Variants in CPTP observed in about 807,000 individuals in gnomAD.
The protein encoded by CPTP is GLTP domain-containing protein 1.
In CPTP, 5 loss-of-function variants were observed where a neutral mutation model predicts 5.7. That is an observed-to-expected ratio of 0.88 (90% CI 0.46 to 1.86). The LOEUF is 1.86. Among genes scored for constraint, CPTP ranks in the 40% most tolerant of loss-of-function variants. CPTP has a pLI of 0.01. For missense variants in CPTP, 335 were observed against 306.5 expected, an observed-to-expected ratio of 1.09 and a Z score of -0.69; for synonymous variants, 166 against 142.7, an observed-to-expected ratio of 1.16 and a Z score of -1.16.
rs776077492 is a variant in CPTP, at chr1:1,327,590, G to A, written c.472G>A (p.Val158Ile). 19 of 1,609,938 alleles carry A rather than the reference G, an allele frequency of 1.2e-5. No homozygotes were observed. Among genetic ancestry groups the A allele is most frequent in the East Asian group, 6.7e-5 (3 of 44,824 alleles). ...AYHPWVVRRA[V>I]TVAFCTLPTR... is the part of the protein sequence containing the mutation. Reference sequence around the variant, plus strand: ...CCACCCCTGGGTCGTGCGCCGCGCCGTCACCGTGGCCTTCTGCACGCTGCC... The same window carrying A: ...CCACCCCTGGGTCGTGCGCCGCGCCATCACCGTGGCCTTCTGCACGCTGCC... The change falls in exon 3 of 3, where the codon GTC becomes ATC. Residue 158 changes from valine (V) to isoleucine (I), a missense_variant. Coordinates refer to ENST00000343938, the MANE Select transcript of CPTP (RefSeq NM_001029885.2).
Position 1,327,393 on chromosome 1 carries a change from T to C in CPTP, c.275T>C (p.Val92Ala), listed in dbSNP as rs1487558975. 2 of 1,596,560 alleles carry C rather than the reference T, an allele frequency of 1.3e-6. No individual in the cohort carries two copies. Among genetic ancestry groups the C allele is most frequent in the Admixed American group, 3.4e-5 (2 of 59,550 alleles). Residue 92 changes from valine (V) to alanine (A), a missense_variant, in exon 3 of 3, where the codon GTG becomes GCG. Physicochemically the swap from Val to Ala is moderately conservative, Grantham distance 64. Transcript: ENST00000343938. ...GCCCACGAGCTGAGCAACCGGCTGG[T>C]GGACCTGGAGCGCCGCTCCCACCAC... ...MVAHELSNRLVDLERRSHHPE... is the reference protein window; with the variant it reads ...MVAHELSNRLADLERRSHHPE...
chr1:1,327,610 G>A lies in CPTP; in HGVS notation c.492G>A (p.Thr164=), dbSNP rs754238724. ...VRRAVTVAFC[T]LPTREVFLEA... ...GCGCCGTCACCGTGGCCTTCTGCAC[G>A]CTGCCCACACGCGAGGTCTTCCTGG... The change falls in exon 3 of 3, where the codon ACG becomes ACA. Residue 164 remains threonine (T), a synonymous_variant. Transcript: ENST00000343938. 17 of 1,611,800 alleles carry A rather than the reference G, an allele frequency of 1.1e-5. No individual in the cohort carries two copies. The highest frequency in any genetic ancestry group is 6.6e-5 in the South Asian group (6 of 90,986).
In CPTP at chr1:1,327,003, C is replaced by A. The variant is rs764320694; in HGVS notation, c.93C>A (p.Pro31=). The part of the protein sequence containing the change: ...LDEKEEVLLD[P]YIASWKGLVR... Reference sequence around the variant, plus strand: ...AGAAGGAAGAGGTCTTGCTGGACCCCTACATTGCCAGCTGGAAGGGCCTGG... The same window carrying A: ...AGAAGGAAGAGGTCTTGCTGGACCCATACATTGCCAGCTGGAAGGGCCTGG... The change falls in exon 2 of 3, where the codon CCC becomes CCA. Residue 31 remains proline (P), a synonymous_variant. Coordinates refer to ENST00000343938, the MANE Select transcript of CPTP (RefSeq NM_001029885.2). 5.6e-6 allele frequency: 9 copies of A among 1,613,510 alleles called. No individual in the cohort carries two copies. The highest frequency in any genetic ancestry group is 6.8e-6 in the Non-Finnish European group (8 of 1,179,986).
At position 1,324,802 on chromosome 1, in the gene CPTP, G is replaced by A; in HGVS notation, c.-376G>A. 2.0e-6 allele frequency: 1 copy of A among 504,844 alleles called. No individual in the cohort carries two copies. Among genetic ancestry groups the A allele is most frequent in the South Asian group, 2.6e-5 (1 of 37,894 alleles). 31.3% of individuals were successfully genotyped at this position (504,844 alleles called of 1,614,324 possible). On this transcript the variant is annotated 5_prime_UTR_variant, in exon 1 of 3. Transcript: ENST00000343938. ...CGAGGGCGGGGCGGTGGGCGGGGAC[G>A]GGGCCCGCACGGCGGCTACGGCCTA...
chr1:1,325,813 C>T (rs983212536), intron 1 of CPTP, among the ~76,000 whole-genome samples: 4 of 152,178 alleles, frequency 2.6e-5, no homozygotes, highest in East Asian at 1.9e-4. Flanking sequence ...GCTCTCACCA[C>T]GGCTGGGTGC....
In CPTP at chr1:1,327,255, T is replaced by C. The variant is rs142934629; in HGVS notation, c.137T>C (p.Leu46Pro). The change falls in exon 3 of 3, where the codon CTG becomes CCG. Residue 46 changes from leucine to proline, a missense_variant. By Grantham distance (98) the Leu-to-Pro change is moderately conservative (BLOSUM62 -3). Coordinates refer to ENST00000343938, the MANE Select transcript of CPTP (RefSeq NM_001029885.2). ...CCCTTCCACAGGTTTCTGAACAGCC[T>C]GGGCACCATCTTCTCATTCATCTCC... The part of the protein sequence containing the change: ...WKGLVRFLNS[L>P]GTIFSFISKD... The C allele has an allele frequency of 1.3e-6, 2 of 1,597,696 alleles. No homozygotes were observed. The highest frequency in any genetic ancestry group is 1.7e-6 in the Non-Finnish European group (2 of 1,179,416).
Position 1,324,970 on chromosome 1 carries a change from G to A in CPTP, c.-208G>A, listed in dbSNP as rs886590247. The A allele has an allele frequency of 2.7e-5, 7 of 263,238 alleles. No homozygotes were observed. Among genetic ancestry groups the A allele is most frequent in the Non-Finnish European group, 4.3e-5 (6 of 140,062 alleles). 16.3% of individuals were successfully genotyped at this position (263,238 alleles called of 1,614,324 possible). A position where few individuals can be genotyped will look rare whatever the true frequency, so the allele number is the denominator to read the frequency against. ...GGCCGAGGACCCGGCTCCCGCGCAG[G>A]ACGGAGCCGTGGCTCAGGTCGGCCC... On this transcript the variant is annotated 5_prime_UTR_variant, in exon 1 of 3. Transcript: ENST00000343938.
In CPTP at chr1:1,324,867, C is replaced by T. The variant is rs1347280561; in HGVS notation, c.-311C>T. ...ACTCGGCGGCCGCACCTGCCCAACC[C>T]AACCCGCACGGTCCGGAAGTCGCCG... On this transcript the variant is annotated 5_prime_UTR_variant, in exon 1 of 3. Transcript: ENST00000343938. 2.2e-6 allele frequency: 1 copy of T among 464,040 alleles called. No homozygotes were observed. The highest frequency in any genetic ancestry group is 2.1e-5 in the African/African-American group (1 of 47,450). The allele number at this position is 464,040 out of a possible 1,614,324, so 28.7% of individuals were successfully genotyped here. A position where few individuals can be genotyped will look rare whatever the true frequency, so the allele number is the denominator to read the frequency against.
intron 1 of CPTP, chr1:1,325,718 G>T (rs1032963535): frequency 6.6e-6 from 1 of 152,108 alleles, no homozygotes; most frequent in Non-Finnish European, 1.5e-5. Context: ...CACGGGCTGG[G>T]CAGGGCTTGC....
At chr1:1,326,793 G>A (rs1643318186) in intron 1 of CPTP, 43 bp from the exon 2 acceptor site, 1 of 1,348,488 alleles carries the variant, frequency 7.4e-7, no homozygotes, top group Non-Finnish European at 1.0e-6. Flanking sequence ...TGTTCAGTGA[G>A]CGGCAATGGG....
Position 1,327,354 on chromosome 1 carries a change from T to C in CPTP, c.236T>C (p.Leu79Pro). The change falls in exon 3 of 3, where the codon CTG becomes CCG. Residue 79 changes from leucine (L) to proline (P), a missense_variant. By Grantham distance (98) the Leu-to-Pro change is moderately conservative. Coordinates refer to ENST00000343938, the MANE Select transcript of CPTP (RefSeq NM_001029885.2). ...GGPQSEHYRS[L>P]QAMVAHELSN... ...CCGCAGAGCGAGCACTACCGCAGCC[T>C]GCAGGCCATGGTGGCCCACGAGCTG... 6.3e-7 allele frequency: 1 copy of C among 1,598,496 alleles called. No homozygotes were observed. Among genetic ancestry groups the C allele is most frequent in the South Asian group, 1.1e-5 (1 of 90,986 alleles).
At position 1,327,657 on chromosome 1, in the gene CPTP, C is replaced by T. The variant is rs151183081; in HGVS notation, c.539C>T (p.Pro180Leu). Residue 180 changes from proline (P) to leucine (L), a missense_variant, in exon 3 of 3, where the codon CCG becomes CTG. Physicochemically the swap from Pro to Leu is moderately conservative, Grantham distance 98. Coordinates refer to ENST00000343938, the MANE Select transcript of CPTP (RefSeq NM_001029885.2). The stretch of plus-strand genomic sequence containing the variant: ...CTGGAGGCCATGAACGTGGGGCCCC[C>T]GGAGCAGGCCGTGCAGATGCTAGGC... Reference protein sequence around the residue: ...VFLEAMNVGPPEQAVQMLGEA... With the variant: ...VFLEAMNVGPLEQAVQMLGEA... 38 of 1,612,740 alleles carry T rather than the reference C, an allele frequency of 2.4e-5. No individual in the cohort carries two copies. The highest frequency in any genetic ancestry group is 8.8e-5 in the South Asian group (8 of 91,090).
intron 2 of CPTP, 25 bp from the exon 3 acceptor site, chr1:1,327,216 A>T: frequency 1.9e-6 from 3 of 1,591,434 alleles, no homozygotes; most frequent in Non-Finnish European, 2.5e-6. Context: ...CTGGGCGAGG[A>T]CTCGAGCCCC....
In CPTP at chr1:1,328,048, G is replaced by C; in HGVS notation, c.*285G>C. ...AGGCCTCGCCAGGGTGCGGTGCAGA[G>C]CAGAGCAGGCAGGGGTGGGGGCCGG... On this transcript the variant is annotated 3_prime_UTR_variant, in exon 3 of 3. Coordinates refer to ENST00000343938, the MANE Select transcript of CPTP (RefSeq NM_001029885.2). 1 of 507,468 alleles carries C rather than the reference G, an allele frequency of 2.0e-6. No homozygotes were observed. The highest frequency in any genetic ancestry group is 3.6e-5 in the East Asian group (1 of 27,668). 31.4% of individuals were successfully genotyped at this position (507,468 alleles called of 1,614,324 possible). A position where few individuals can be genotyped will look rare whatever the true frequency, so the allele number is the denominator to read the frequency against.
intron 2 of CPTP, 75 bp downstream of exon 2, chr1:1,327,107 A>G: frequency 6.3e-7 from 1 of 1,597,244 alleles, no homozygotes; most frequent in Non-Finnish European, 8.5e-7. Context: ...CTGCCTCCCG[A>G]CTGCCTGTCC....
rs1229574455 is a variant in CPTP, at chr1:1,326,833, C to T, written c.-75-3C>T. 12 of 1,587,612 alleles carry T rather than the reference C, an allele frequency of 7.6e-6. No individual in the cohort carries two copies. The highest frequency in any genetic ancestry group is 9.5e-6 in the Non-Finnish European group (11 of 1,159,368). ...CAGCTATTTTGTTCCCCTCCACACA[C>T]AGAAAATGAGCCACAGAGCAAGCTG... On this transcript the variant is annotated splice_region_variant and splice_polypyrimidine_tract_variant and intron_variant, in intron 1 of 2. Coordinates refer to ENST00000343938, the MANE Select transcript of CPTP (RefSeq NM_001029885.2).
chr1:1,326,844 C>T lies in CPTP; in HGVS notation c.-67C>T, dbSNP rs1643318890. On this transcript the variant is annotated 5_prime_UTR_variant, in exon 2 of 3. Transcript: ENST00000343938. ...TTCCCCTCCACACACAGAAAATGAG[C>T]CACAGAGCAAGCTGACCCCAGCGAC... 1 of 1,602,886 alleles carries T rather than the reference C, an allele frequency of 6.2e-7. No homozygotes were observed. The highest frequency in any genetic ancestry group is 1.1e-5 in the South Asian group (1 of 90,416).
In CPTP at chr1:1,327,436, G is replaced by C. The variant is rs1004596057; in HGVS notation, c.318G>C (p.Arg106=). 1.3e-6 allele frequency: 2 copies of C among 1,581,918 alleles called. No individual in the cohort carries two copies. The highest frequency in any genetic ancestry group is 3.5e-5 in the Admixed American group (2 of 56,820). ...RRSHHPESGC[R]TVLRLHRALH... ...CCCACCACCCGGAGTCTGGCTGCCGGACGGTGCTGCGCCTGCACCGCGCCC... is the reference window on the plus strand; with the variant it reads ...CCCACCACCCGGAGTCTGGCTGCCGCACGGTGCTGCGCCTGCACCGCGCCC... The change falls in exon 3 of 3, where the codon CGG becomes CGC. Residue 106 remains arginine (R), a synonymous_variant. Coordinates refer to ENST00000343938, the MANE Select transcript of CPTP (RefSeq NM_001029885.2).
In CPTP at chr1:1,326,872, A is replaced by G. The variant is rs1643319355; in HGVS notation, c.-39A>G. The G allele has an allele frequency of 2.5e-6, 4 of 1,612,644 alleles. No homozygotes were observed. The highest frequency in any genetic ancestry group is 3.4e-6 in the Non-Finnish European group (4 of 1,179,344). On this transcript the variant is annotated 5_prime_UTR_variant, in exon 2 of 3. Coordinates refer to ENST00000343938, the MANE Select transcript of CPTP (RefSeq NM_001029885.2). ...CAGAGCAAGCTGACCCCAGCGACAC[A>G]GCCCCCCAGCCCTACTGTATTTCCG...
Sources: gnomAD v4.1 joint callset for allele counts (sites outside exome capture counted in the v4.1 genomes callset) on GRCh38, gnomAD v4.1.1 for gene constraint, MANE v1.5 for transcripts, NCBI Gene and HGNC (gene_info 2026-07-23, HGNC 2026-07-21) for gene names.